Variants in SERINC3 observed in about 807,000 individuals in gnomAD.
SERINC3 encodes the protein serine incorporator 3.
In SERINC3, 22 loss-of-function variants were observed where a neutral mutation model predicts 52.1. That is an observed-to-expected ratio of 0.42 (90% CI 0.30 to 0.60). SERINC3 has a LOEUF of 0.60. Ranked by LOEUF, SERINC3 falls within the 20% of genes least tolerant of loss-of-function variation. The probability of loss-of-function intolerance (pLI) is 0.16; values close to 1 mark genes in which losing one functional copy is unlikely to be tolerated. For synonymous variants in SERINC3, 226 were observed against 212.7 expected (o/e 1.06, Z -0.54); for missense variants, 564 against 584.6 (o/e 0.96, Z 0.36).
intron 7 of SERINC3, 102 bp downstream of exon 7, chr20:44,504,699 T>A (rs2064300326): frequency 1.1e-6 from 1 of 943,656 alleles, no homozygotes. Flanking sequence ...TTTTGTTTGC[T>A]TGTTTCACAT....
chr20:44,509,939 A>C lies in SERINC3; in HGVS notation c.565T>G (p.Ser189Ala). 2 of 1,614,164 alleles carry C rather than the reference A, an allele frequency of 1.2e-6. No individual in the cohort carries two copies. The change falls in exon 5 of 10, where the codon TCA (serine) becomes GCA (alanine). Residue 189 changes from serine to alanine, a missense_variant. By Grantham distance (99) the Ser-to-Ala change is moderately conservative. Transcript: ENST00000342374. ...CCTTCTTCCATTCGATTTACCCATG[A>C]TTCATTCCAAGAATGAGCAAAATCT... ...LVDFAHSWNE[S>A]WVNRMEEGNP... is the part of the protein sequence containing the mutation.
At chr20:44,513,855 C>A in intron 2 of SERINC3, 24 bp downstream of exon 2, 1 of 1,549,382 alleles carries the variant, frequency 6.5e-7, no homozygotes, top group Non-Finnish European at 8.7e-7. Flanking sequence ...TAACCAATAC[C>A]TTAAGGGCAC....
chr20:44,520,346 G>GCTCCAGACCCGTT (rs2064408323), intron 1 of SERINC3, among the ~76,000 whole-genome samples: 1 of 152,044 alleles, frequency 6.6e-6, no homozygotes, highest in Non-Finnish European at 1.5e-5. Context: ...GAGCATGGAA[G>GCTCCAGACCCGTT]CTCCAGACCC....
intron 1 of SERINC3, among the ~76,000 whole-genome samples, chr20:44,519,053 G>A (rs887367077): frequency 2.0e-5 from 3 of 151,212 alleles, no homozygotes; most frequent in African/African-American, 7.3e-5. Context: ...TACATGTCTT[G>A]CATGCATAAA....
chr20:44,510,765 C>T (rs1200616822), intron 4 of SERINC3, among the ~76,000 whole-genome samples: 1 of 151,786 alleles, frequency 6.6e-6, no homozygotes, highest in Non-Finnish European at 1.5e-5. Flanking sequence ...GAGCTGAGAT[C>T]GTGCCACGGC....
intron 1 of SERINC3, among the ~76,000 whole-genome samples, chr20:44,516,997 T>C (rs1286811999): frequency 6.6e-6 from 1 of 152,224 alleles, no homozygotes; most frequent in Non-Finnish European, 1.5e-5. Context: ...TCTTAAAATA[T>C]GGTCCCAGGA....
In SERINC3 at chr20:44,504,877, G is replaced by A. The variant is rs8120768; in HGVS notation, c.798C>T (p.Arg266=). Residue 266 remains arginine (R), a synonymous_variant, in exon 7 of 10, where the codon CGC becomes CGT. Coordinates refer to ENST00000342374, the MANE Select transcript of SERINC3 (RefSeq NM_006811.4). ...TGAGGGAGGACTGCAAGAGGCCGGA[G>A]CGAGGCTGGTGTTCCTATGGAATCA... ...IHPKIQEHQP[R]SGLLQSSLIT... is the part of the protein sequence containing the mutation. 6.2e-7 allele frequency: 1 copy of A among 1,613,274 alleles called. No homozygotes were observed. Among genetic ancestry groups the A allele is most frequent in the South Asian group, 1.1e-5 (1 of 90,986 alleles).
In SERINC3 at chr20:44,501,084, G is replaced by A. The variant is rs762508189; in HGVS notation, c.1272C>T (p.Thr424=). Reference sequence around the variant, plus strand: ...TCTGTGTCTCCTACCTGTACCAGCTGGTCAGGGTCATCATGATGTACAAGG... The same window carrying A: ...TCTGTGTCTCCTACCTGTACCAGCTAGTCAGGGTCATCATGATGTACAAGG... ...LASLYIMMTL[T]SWYSPDAKFQ... Residue 424 remains threonine, a synonymous_variant, in exon 9 of 10, where the codon ACC becomes ACT. Transcript: ENST00000342374. The A allele has an allele frequency of 6.2e-7, 1 of 1,613,096 alleles. No homozygotes were observed. The highest frequency in any genetic ancestry group is 2.2e-5 in the East Asian group (1 of 44,870).
chr20:44,510,101 G>C lies in SERINC3; in HGVS notation c.476-73C>G. 1.2e-5 allele frequency: 17 copies of C among 1,437,686 alleles called. No homozygotes were observed. The South Asian group carries it at 1.4e-4, about 12-fold the overall frequency. The allele number at this position is 1,437,686 out of a possible 1,614,324, so 89.1% of individuals were successfully genotyped here. ...TTCAGAAGATCCAACATTCTGAACG[G>C]ATTTCAATTAAAACAAGACAGAGGT... On this transcript the variant is annotated intron_variant, in intron 4 of 9. Coordinates refer to ENST00000342374, the MANE Select transcript of SERINC3 (RefSeq NM_006811.4).
chr20:44,511,958 C>T (rs1600815573), intron 3 of SERINC3, among the ~76,000 whole-genome samples: 1 of 152,324 alleles, frequency 6.6e-6, no homozygotes, highest in East Asian at 1.9e-4. Context: ...TCAGTTACTA[C>T]ATCTGTAAAA....
At position 44,503,796 on chromosome 20, in the gene SERINC3, T is replaced by C. The variant is rs2064294334; in HGVS notation, c.1055+19A>G. 2 of 1,507,774 alleles carry C rather than the reference T, an allele frequency of 1.3e-6. No individual in the cohort carries two copies. Among genetic ancestry groups the C allele is most frequent in the Non-Finnish European group, 1.8e-6 (2 of 1,132,172 alleles). The allele number at this position is 1,507,774 out of a possible 1,614,324, so 93.4% of individuals were successfully genotyped here. A position where few individuals can be genotyped will look rare whatever the true frequency, so the allele number is the denominator to read the frequency against. The stretch of plus-strand genomic sequence containing the variant: ...ATCAACCTCCATGAAAATCTTGTTC[T>C]AAGTACCTTTTAACTTACCTAGAAT... On this transcript the variant is annotated intron_variant, in intron 8 of 9. Transcript: ENST00000342374.
At chr20:44,516,384 C>A (rs1044631649) in intron 1 of SERINC3, among the ~76,000 whole-genome samples, 6 of 151,876 alleles carry the variant, frequency 4.0e-5, no homozygotes, top group African/African-American at 1.5e-4. Context: ...AATTTTATTT[C>A]TTTTTTTCTT....
intron 3 of SERINC3, among the ~76,000 whole-genome samples, chr20:44,512,330 A>T (rs547557606): frequency 6.6e-6 from 1 of 151,824 alleles, no homozygotes; most frequent in African/African-American, 2.4e-5. Flanking sequence ...CAAAACAAAA[A>T]AAAAAAAAAA....
At chr20:44,520,560 C>G (rs1356311756) in intron 1 of SERINC3, among the ~76,000 whole-genome samples, 3 of 152,036 alleles carry the variant, frequency 2.0e-5, no homozygotes, top group African/African-American at 7.3e-5. Flanking sequence ...ACACTGGGAA[C>G]ACAGACACGA....
At chr20:44,505,705 T>C (rs939481901) in intron 6 of SERINC3, among the ~76,000 whole-genome samples, 1 of 152,082 alleles carries the variant, frequency 6.6e-6, no homozygotes, top group Admixed American at 6.5e-5. Context: ...TTCAGGCTAT[T>C]CTCCTGCCCC....
chr20:44,512,943 C>T lies in SERINC3; in HGVS notation c.253G>A (p.Ala85Thr). 8 of 1,534,872 alleles carry T rather than the reference C, an allele frequency of 5.2e-6. No individual in the cohort carries two copies. The highest frequency in any genetic ancestry group is 6.1e-6 in the Non-Finnish European group (7 of 1,150,520). The stretch of plus-strand genomic sequence containing the variant: ...ACCAGCACATCACAATCTTTATCTG[C>T]ATTTATATCAGCCTCATGGATTTTA... ...GFKIHEADINADKDCDVLVGY... is the reference protein window; with the variant it reads ...GFKIHEADINTDKDCDVLVGY... The change falls in exon 3 of 10, where the codon GCA becomes ACA. Residue 85 changes from alanine to threonine, a missense_variant. Coordinates refer to ENST00000342374, the MANE Select transcript of SERINC3 (RefSeq NM_006811.4).
intron 1 of SERINC3, among the ~76,000 whole-genome samples, chr20:44,518,129 G>C (rs898158045): frequency 1.1e-4 from 16 of 151,952 alleles, no homozygotes; most frequent in Non-Finnish European, 1.3e-4. Flanking sequence ...TGGATTAAGC[G>C]CAAAAGTTCC....
At chr20:44,502,428 TA>T (rs1321197097) in intron 8 of SERINC3, among the ~76,000 whole-genome samples, 1 of 150,872 alleles carries the variant, frequency 6.6e-6, no homozygotes, top group Non-Finnish European at 1.5e-5. Flanking sequence ...CTAAAAAGAT[TA>T]AAAATTAGCT....
intron 8 of SERINC3, 79 bp from the exon 9 acceptor site, chr20:44,501,379 A>T: frequency 1.7e-6 from 2 of 1,147,606 alleles, no homozygotes; most frequent in East Asian, 2.3e-5. Context: ...TATACAAGAC[A>T]CTTACTGCTG....
Sources: gnomAD v4.1 joint callset for allele counts (sites outside exome capture counted in the v4.1 genomes callset) on GRCh38, gnomAD v4.1.1 for gene constraint, MANE v1.5 for transcripts, NCBI Gene and HGNC (gene_info 2026-07-23, HGNC 2026-07-21) for gene names.